The following IL1RAPL2 variants were observed in gnomAD, a reference collection of about 807,000 sequenced individuals.
The protein encoded by IL1RAPL2 is interleukin 1 receptor accessory protein like 2, also known as X-linked interleukin-1 receptor accessory protein-like 2.
In IL1RAPL2, 3 loss-of-function variants were observed where a neutral mutation model predicts 44.1. That is an observed-to-expected ratio of 0.07 (90% confidence interval 0.03 to 0.18). The LOEUF is 0.18. Ranked by LOEUF, IL1RAPL2 falls within the 10% of genes least tolerant of loss-of-function variation. The pLI is 1.00. For missense variants in IL1RAPL2, 391 were observed against 496.4 expected (o/e 0.79, Z 2.02); for synonymous variants, 181 against 178.8 (o/e 1.01, Z -0.10).
intron 2 of IL1RAPL2, among the ~76,000 whole-genome samples, chrX:104,722,350 A>G (rs1440175429): frequency 8.9e-6 from 1 of 111,740 alleles, no homozygotes; most frequent in Non-Finnish European, 1.9e-5. Flanking sequence ...CTAGGTCATT[A>G]AAAAATGTCA....
intron 2 of IL1RAPL2, among the ~76,000 whole-genome samples, chrX:105,074,879 GCA>G (rs1433967694): frequency 9.0e-6 from 1 of 110,568 alleles, no homozygotes; most frequent in Non-Finnish European, 1.9e-5. Flanking sequence ...TGTGATTTTT[GCA>G]CATTGATTTT....
At chrX:105,131,864 G>A (rs765110672) in intron 2 of IL1RAPL2, among the ~76,000 whole-genome samples, 2 of 111,450 alleles carry the variant, frequency 1.8e-5, no homozygotes, top group African/African-American at 3.2e-5. Flanking sequence ...AGCCCAAGGC[G>A]TAGGCATACC....
At chrX:104,831,911 T>C (rs1327852827) in intron 2 of IL1RAPL2, among the ~76,000 whole-genome samples, 1 of 112,202 alleles carries the variant, frequency 8.9e-6, no homozygotes, top group Non-Finnish European at 1.9e-5. Context: ...TCTGCTTACA[T>C]GTAACTGAAG....
intron 2 of IL1RAPL2, among the ~76,000 whole-genome samples, chrX:104,711,525 T>C (rs1931455979): frequency 9.1e-6 from 1 of 110,275 alleles, no homozygotes; most frequent in Admixed American, 9.7e-5. Context: ...TGCATGTATG[T>C]ATAGGAAAAT....
chrX:105,371,214 G>C (rs774540728), intron 5 of IL1RAPL2, among the ~76,000 whole-genome samples: 1 of 111,940 alleles, frequency 8.9e-6, no homozygotes, highest in Non-Finnish European at 1.9e-5. Context: ...TTCTTTTGCT[G>C]TGAAGAAGTT....
At chrX:104,853,902 C>CAA (rs11364619) in intron 2 of IL1RAPL2, among the ~76,000 whole-genome samples, 15 of 43,710 alleles carry the variant, frequency 3.4e-4, no homozygotes, top group East Asian at 1.4e-3. Context: ...GACTCCGTCT[C>CAA]AAAAAAAAAA....
intron 2 of IL1RAPL2, among the ~76,000 whole-genome samples, chrX:104,971,069 C>T (rs968523884): frequency 2.7e-5 from 3 of 111,915 alleles, no homozygotes; most frequent in African/African-American, 6.5e-5. Flanking sequence ...CCTACGAGGC[C>T]GGGCATGGTG....
chrX:105,298,002 T>C (rs2034666756), intron 5 of IL1RAPL2, among the ~76,000 whole-genome samples: 1 of 110,970 alleles, frequency 9.0e-6, no homozygotes, highest in African/African-American at 3.3e-5. Context: ...TTGACAAAAC[T>C]TGTATGTATT....
intron 2 of IL1RAPL2, among the ~76,000 whole-genome samples, chrX:104,763,244 G>C (rs777675631): frequency 8.9e-6 from 1 of 112,033 alleles, no homozygotes; most frequent in African/African-American, 3.2e-5. Context: ...TTTTGCTCCA[G>C]TTCCCAATAA....
At chrX:104,633,738 C>G (rs2148012992) in intron 1 of IL1RAPL2, among the ~76,000 whole-genome samples, 1 of 110,794 alleles carries the variant, frequency 9.0e-6, no homozygotes, top group East Asian at 2.8e-4. Flanking sequence ...CTCTTTTCTT[C>G]TTTATTAGTC....
At chrX:105,088,189 C>T (rs2032501298) in intron 2 of IL1RAPL2, among the ~76,000 whole-genome samples, 1 of 111,579 alleles carries the variant, frequency 9.0e-6, no homozygotes, top group Non-Finnish European at 1.9e-5. Context: ...GTGGAAGAGT[C>T]CAAGCTGAAC....
intron 2 of IL1RAPL2, among the ~76,000 whole-genome samples, chrX:105,177,302 C>T (rs1466977164): frequency 9.1e-6 from 1 of 110,327 alleles, no homozygotes; most frequent in Non-Finnish European, 1.9e-5. Context: ...GCCTGATGAT[C>T]TGTCACTGTC....
intron 2 of IL1RAPL2, among the ~76,000 whole-genome samples, chrX:105,034,318 A>G (rs1365369463): frequency 9.0e-6 from 1 of 111,525 alleles, no homozygotes; most frequent in Non-Finnish European, 1.9e-5. Context: ...TAGAGTTTCC[A>G]GATTTTCTGC....
intron 2 of IL1RAPL2, among the ~76,000 whole-genome samples, chrX:104,809,316 G>T (rs750443546): frequency 3.6e-5 from 4 of 111,518 alleles, no homozygotes; most frequent in South Asian, 3.8e-4. Context: ...ACTTCCACAA[G>T]GGTTGAACTA....
At chrX:105,695,733 A>G (rs1004836016) in intron 6 of IL1RAPL2, among the ~76,000 whole-genome samples, 3 of 111,670 alleles carry the variant, frequency 2.7e-5, no homozygotes, top group Non-Finnish European at 5.6e-5. Context: ...AAAACATTGT[A>G]CAATAGATAC....
At chrX:105,206,317 T>C (rs2033763618) in intron 3 of IL1RAPL2, among the ~76,000 whole-genome samples, 1 of 111,632 alleles carries the variant, frequency 9.0e-6, no homozygotes, top group Admixed American at 9.5e-5. Context: ...CTTAGAATAA[T>C]TCAGGAGGTA....
intron 2 of IL1RAPL2, among the ~76,000 whole-genome samples, chrX:104,688,262 A>C (rs750453860): frequency 8.9e-6 from 1 of 112,171 alleles, no homozygotes; most frequent in African/African-American, 3.2e-5. Flanking sequence ...CACCCCCAAA[A>C]TTAGGTGTAC....
intron 1 of IL1RAPL2, among the ~76,000 whole-genome samples, chrX:104,635,378 G>C (rs1323428211): frequency 1.8e-5 from 2 of 110,495 alleles, no homozygotes; most frequent in Non-Finnish European, 3.8e-5. Flanking sequence ...TCCTGAATCT[G>C]AACGTTGGCC....
chrX:105,393,324 C>T (rs1468547990), intron 5 of IL1RAPL2, among the ~76,000 whole-genome samples: 2 of 110,762 alleles, frequency 1.8e-5, no homozygotes, highest in Admixed American at 9.7e-5. Context: ...TGGGATCAGT[C>T]ATTTGCCAGA....
Sources: gnomAD v4.1 joint callset for allele counts (sites outside exome capture counted in the v4.1 genomes callset) on GRCh38, gnomAD v4.1.1 for gene constraint, MANE v1.5 for transcripts, NCBI Gene and HGNC (gene_info 2026-07-23, HGNC 2026-07-21) for gene names.